Variants in RPL22 observed in about 807,000 individuals in gnomAD.
RPL22 encodes large ribosomal subunit protein eL22.
In RPL22, 4 loss-of-function variants were observed where a neutral mutation model predicts 16.2. The ratio of observed to expected loss-of-function variants is 0.25; its 90% CI spans 0.12 to 0.57. RPL22 has a LOEUF of 0.57. RPL22 is among the 20% of genes least tolerant of loss of function. The pLI is 0.92. For missense variants in RPL22, 83 were observed against 156.1 expected (o/e 0.53, Z 2.49); for synonymous variants, 43 against 54.8 (o/e 0.78, Z 0.95).
chr1:6,194,957 T>G (rs1400056835), intron 2 of RPL22, among the ~76,000 whole-genome samples: 1 of 152,090 alleles, frequency 6.6e-6, no homozygotes, highest in East Asian at 1.9e-4. Context: ...GCTAACATGG[T>G]GAAACCCTGT....
chr1:6,191,389 C>T (rs1303113912), intron 3 of RPL22, among the ~76,000 whole-genome samples: 5 of 137,386 alleles, frequency 3.6e-5, no homozygotes, highest in East Asian at 4.2e-4. Flanking sequence ...AAAAAGAGGC[C>T]GGGCGCAGTG....
In RPL22 at chr1:6,185,192, G is replaced by A. The variant is rs892693716; in HGVS notation, c.*1480C>T. On this transcript the variant is annotated 3_prime_UTR_variant, in exon 4 of 4. Coordinates refer to ENST00000234875, the MANE Select transcript of RPL22 (RefSeq NM_000983.4). The stretch of plus-strand genomic sequence containing the variant: ...ACTGAAATGCCAACTTCAGCCCAGG[G>A]TTTTTTCACAACCAAACTAAAAATG... The A allele has an allele frequency of 1.0e-5, 4 of 397,088 alleles. No homozygotes were observed. The highest frequency in any genetic ancestry group is 1.4e-4 in the South Asian group (1 of 7,340). The allele number at this position is 397,088 out of a possible 1,614,324, so 24.6% of individuals were successfully genotyped here.
Position 6,196,783 on chromosome 1 carries a change from GA to G in RPL22, c.117+868del, listed in dbSNP as rs113792721. On this transcript the variant is annotated intron_variant, in intron 2 of 3. Coordinates refer to ENST00000234875, the MANE Select transcript of RPL22 (RefSeq NM_000983.4). ...AAATCAGCACAGAGCAAGATCTGAAGAAAAAAAAAAAAGCTCCAATTACAAT... is the reference window on the plus strand; with the variant it reads ...AAATCAGCACAGAGCAAGATCTGAAGAAAAAAAAAAAGCTCCAATTACAAT... 8.0e-3 allele frequency among the ~76,000 whole-genome samples: 1,103 copies of G among 138,316 alleles called. 7 individuals carry two copies. Among genetic ancestry groups the G allele is most frequent in the Middle Eastern group, 0.019 (5 of 268 alleles). 90.7% of individuals were successfully genotyped at this position (138,316 alleles called of 152,430 possible).
chr1:6,193,387 C>G (rs572656849), intron 2 of RPL22, among the ~76,000 whole-genome samples: 1 of 150,838 alleles, frequency 6.6e-6, no homozygotes, highest in Non-Finnish European at 1.5e-5. Flanking sequence ...TGCAATGGCG[C>G]GATCTCGGCT....
intron 3 of RPL22, among the ~76,000 whole-genome samples, chr1:6,187,871 A>T (rs959365371): frequency 2.0e-5 from 3 of 152,110 alleles, no homozygotes; most frequent in Admixed American, 1.3e-4. Flanking sequence ...TGTCTGGATG[A>T]TGAGGACTGC....
intron 2 of RPL22, among the ~76,000 whole-genome samples, chr1:6,195,547 C>T (rs1667705323): frequency 6.6e-6 from 1 of 151,424 alleles, no homozygotes; most frequent in Non-Finnish European, 1.5e-5. Flanking sequence ...GTCAGGAGTT[C>T]AAGACCAACC....
chr1:6,194,935 G>A (rs1337465728), intron 2 of RPL22, among the ~76,000 whole-genome samples: 2 of 152,138 alleles, frequency 1.3e-5, no homozygotes, highest in African/African-American at 4.8e-5. Context: ...TCAGGAGATC[G>A]AGACCATCCT....
At chr1:6,199,297 C>T in intron 1 of RPL22, 1 of 912,364 alleles carries the variant, frequency 1.1e-6, no homozygotes, top group Non-Finnish European at 1.5e-6. Context: ...CCGCAGTCTC[C>T]AGGCTCCAGC....
intron 1 of RPL22, 27 bp downstream of exon 1, chr1:6,199,535 C>G (rs768957960): frequency 6.4e-7 from 1 of 1,556,604 alleles, no homozygotes; most frequent in Non-Finnish European, 8.7e-7. Flanking sequence ...CCCCTGGAGC[C>G]GAGGCCTCAC....
intron 3 of RPL22, among the ~76,000 whole-genome samples, chr1:6,187,613 C>CAAAAAAAAAAA (rs796081884): frequency 1.4e-5 from 1 of 72,684 alleles, no homozygotes; most frequent in African/African-American, 3.8e-5. Context: ...GACTCCATCT[C>CAAAAAAAAAAA]AAAAAAAAAA....
chr1:6,192,238 G>A (rs958386157), intron 3 of RPL22, among the ~76,000 whole-genome samples: 7 of 152,064 alleles, frequency 4.6e-5, no homozygotes, highest in Non-Finnish European at 7.4e-5. Context: ...TAGAGATGGG[G>A]GTCTCACTAT....
Position 6,185,682 on chromosome 1 carries a change from G to A in RPL22, c.*990C>T. Reference sequence around the variant, plus strand: ...CAGAAGGGCACCACAAGGCACCAGAGTCTTTCAAAGTCACTCACAGCAACA... The same window carrying A: ...CAGAAGGGCACCACAAGGCACCAGAATCTTTCAAAGTCACTCACAGCAACA... On this transcript the variant is annotated 3_prime_UTR_variant, in exon 4 of 4. Transcript: ENST00000234875. 3.5e-6 allele frequency: 1 copy of A among 286,930 alleles called. No individual in the cohort carries two copies. The highest frequency in any genetic ancestry group is 6.5e-6 in the Non-Finnish European group (1 of 154,762). The allele number at this position is 286,930 out of a possible 1,614,324, so 17.8% of individuals were successfully genotyped here.
chr1:6,193,128 A>G (rs1667672840), intron 2 of RPL22, 74 bp from the exon 3 acceptor site: 4 of 1,543,454 alleles, frequency 2.6e-6, no homozygotes, highest in Non-Finnish European at 3.6e-6. Flanking sequence ...TCTGTCTCCC[A>G]ACACTGAACT....
chr1:6,197,305 C>T (rs113910114), intron 2 of RPL22, among the ~76,000 whole-genome samples: 6 of 152,164 alleles, frequency 3.9e-5, no homozygotes, highest in Non-Finnish European at 4.4e-5. Context: ...GTTGGGATTA[C>T]GGGCGTGAGC....
At chr1:6,190,703 G>C (rs1667638737) in intron 3 of RPL22, among the ~76,000 whole-genome samples, 1 of 152,200 alleles carries the variant, frequency 6.6e-6, no homozygotes, top group Non-Finnish European at 1.5e-5. Flanking sequence ...TAGGAGCTGA[G>C]TATATGCATA....
At position 6,185,881 on chromosome 1, in the gene RPL22, CCT is replaced by C. The variant is rs1208002618; in HGVS notation, c.*789_*790del. 4.3e-6 allele frequency: 1 copy of C among 230,494 alleles called. No homozygotes were observed. Among genetic ancestry groups the C allele is most frequent in the Non-Finnish European group, 8.6e-6 (1 of 116,324 alleles). 14.3% of individuals were successfully genotyped at this position (230,494 alleles called of 1,614,324 possible). A position where few individuals can be genotyped will look rare whatever the true frequency, so the allele number is the denominator to read the frequency against. On this transcript the variant is annotated 3_prime_UTR_variant, in exon 4 of 4. Transcript: ENST00000234875. ...TCCCAGTCACTCCTCCTTCGTGTCC[CCT>C]CTTTCAAGAACCTCCAGAGCTCTTG...
chr1:6,197,704 G>A lies in RPL22; in HGVS notation c.65C>T (p.Thr22Ile), dbSNP rs752081077. The change falls in exon 2 of 4, where the codon ACT becomes ATT. Residue 22 changes from threonine to isoleucine, a missense_variant. By Grantham distance (89) the Thr-to-Ile change is moderately conservative. Coordinates refer to ENST00000234875, the MANE Select transcript of RPL22 (RefSeq NM_000983.4). Reference protein sequence around the residue: ...GKKKKQVLKFTLDCTHPVEDG... With the variant: ...GKKKKQVLKFILDCTHPVEDG... ...TTCTACAGGGTGGGTGCAATCAAGA[G>A]TGAACTTCAGAACTTGCTTCTTTTT... 7.4e-6 allele frequency: 12 copies of A among 1,613,900 alleles called. No homozygotes were observed. The highest frequency in any genetic ancestry group is 1.0e-5 in the Non-Finnish European group (12 of 1,179,948).
chr1:6,198,131 A>C, intron 1 of RPL22: 1 of 211,760 alleles, frequency 4.7e-6, no homozygotes, highest in Non-Finnish European at 9.6e-6. Flanking sequence ...AAAAAATACT[A>C]TTTTTCCAAA....
intron 2 of RPL22, among the ~76,000 whole-genome samples, chr1:6,197,168 T>C (rs1467064553): frequency 1.3e-5 from 2 of 152,214 alleles, no homozygotes; most frequent in African/African-American, 4.8e-5. Context: ...TAGCTGGGAT[T>C]ACAGGTGCAC....
Sources: allele counts gnomAD v4.1 joint callset (sites outside exome capture counted in the v4.1 genomes callset), GRCh38; gene constraint gnomAD v4.1.1; transcripts MANE v1.5; gene names NCBI Gene and HGNC (gene_info 2026-07-23, HGNC 2026-07-21).